RBFOX2: variants seen among roughly 807,000 people sequenced by gnomAD.
The protein encoded by RBFOX2 is RNA binding fox-1 homolog 2, also known as RNA binding protein fox-1 homolog 2.
A neutral mutation model predicts 49.1 loss-of-function variants in RBFOX2; 10 were observed. The ratio of observed to expected loss-of-function variants is 0.20; its 90% confidence interval spans 0.13 to 0.35. The LOEUF (loss-of-function observed/expected upper bound fraction) is 0.35, where lower values mean the gene tolerates loss of function less well. Among genes scored for constraint, RBFOX2 ranks in the 10% least tolerant of loss-of-function variants. The probability of loss-of-function intolerance (pLI) is 1.00; values close to 1 mark genes in which losing one functional copy is unlikely to be tolerated. For missense variants in RBFOX2, 323 were observed against 486.9 expected (o/e 0.66, Z 3.17); for synonymous variants, 183 against 187.4 (o/e 0.98, Z 0.19).
exon 1 of RBFOX2, chr22:35,840,260 C>G (rs1405596000): frequency 5.0e-6 from 8 of 1,614,002 alleles, no homozygotes; most frequent in Non-Finnish European, 5.9e-6. Flanking sequence ...AGCAGCCGTG[C>G]TGGGGCACAC....
chr22:35,759,919 C>T lies in RBFOX2; in HGVS notation c.856G>A (p.Val286Ile), dbSNP rs1938173188. 1.9e-6 allele frequency: 3 copies of T among 1,613,488 alleles called. No homozygotes were observed. The highest frequency in any genetic ancestry group is 2.5e-6 in the Non-Finnish European group (3 of 1,179,980). ...TAGGCGGGGATGGCTGTTGGAGGTA[C>T]CGCTCGGACTGCACCATATACTGTC... Residue 286 changes from valine (V) to isoleucine (I), a missense_variant, in exon 9 of 12, where the codon GTA (valine) becomes ATA (isoleucine). Around this residue, in one of 2 missense-constraint regions of RBFOX2, gnomAD observed 200 missense variants for 370.0 expected, o/e 0.54. Transcript: ENST00000405409. The surrounding 1 kb of genome is among the most constrained non-coding windows in gnomAD (Gnocchi z 4.6).
intron 1 of RBFOX2, among the ~76,000 whole-genome samples, chr22:35,952,413 G>A (rs1308065353): frequency 1.3e-5 from 2 of 152,144 alleles, no homozygotes; most frequent in Non-Finnish European, 2.9e-5. Context: ...AATACACCAA[G>A]TACTTTGTTA....
At chr22:35,904,837 G>A (rs1302504092) in intron 1 of RBFOX2, among the ~76,000 whole-genome samples, 1 of 152,148 alleles carries the variant, frequency 6.6e-6, no homozygotes, top group African/African-American at 2.4e-5. Flanking sequence ...GTGGTTATGT[G>A]AATTTAACTT....
At chr22:35,864,759 G>T (rs2043480642) in intron 1 of RBFOX2, among the ~76,000 whole-genome samples, 1 of 152,206 alleles carries the variant, frequency 6.6e-6, no homozygotes, top group Non-Finnish European at 1.5e-5. Context: ...CACAGCACCA[G>T]TTCAGGGCAA....
At chr22:35,802,955 A>C (rs938707437) in intron 2 of RBFOX2, among the ~76,000 whole-genome samples, 1 of 152,184 alleles carries the variant, frequency 6.6e-6, no homozygotes. Flanking sequence ...TGAAAGCTCA[A>C]TAAGCTTCAG....
At chr22:36,011,153 T>A (rs966708962) in intron 1 of RBFOX2, among the ~76,000 whole-genome samples, 41 of 152,270 alleles carry the variant, frequency 2.7e-4, no homozygotes, top group East Asian at 1.7e-3. Flanking sequence ...GTATAATTAC[T>A]AACTCAATGA....
intron 1 of RBFOX2, among the ~76,000 whole-genome samples, chr22:35,826,928 G>A (rs1394590393): frequency 6.6e-6 from 1 of 152,112 alleles, no homozygotes; most frequent in Non-Finnish European, 1.5e-5. Flanking sequence ...TCAGACTATG[G>A]TTGATCATGG....
intron 4 of RBFOX2, among the ~76,000 whole-genome samples, chr22:35,769,354 T>C (rs1012500533): frequency 6.6e-5 from 10 of 151,984 alleles, no homozygotes; most frequent in Non-Finnish European, 1.3e-4. Context: ...AAAAATGGAG[T>C]GGAGCTTTAA....
At chr22:35,979,719 A>G (rs2057366546) in intron 1 of RBFOX2, among the ~76,000 whole-genome samples, 1 of 152,182 alleles carries the variant, frequency 6.6e-6, no homozygotes, top group Non-Finnish European at 1.5e-5. Flanking sequence ...TAAAGAATCA[A>G]TGGAGAAAAA....
At chr22:35,818,557 G>A (rs1033598269) in intron 1 of RBFOX2, among the ~76,000 whole-genome samples, 17 of 152,188 alleles carry the variant, frequency 1.1e-4, no homozygotes, top group African/African-American at 4.1e-4. Context: ...GCCGGGGTGG[G>A]AGGACTGCTT....
intron 1 of RBFOX2, among the ~76,000 whole-genome samples, chr22:35,986,156 A>T (rs2057714486): frequency 6.6e-6 from 1 of 152,202 alleles, no homozygotes; most frequent in East Asian, 1.9e-4. Flanking sequence ...TATTATAGGC[A>T]ATCAGGTATG....
chr22:35,805,025 C>T (rs1253671866), intron 2 of RBFOX2, among the ~76,000 whole-genome samples: 4 of 152,040 alleles, frequency 2.6e-5, no homozygotes, highest in South Asian at 4.1e-4. Context: ...CGGTGGCTCA[C>T]GCCTGTAATC....
chr22:35,750,536 G>A, intron 9 of RBFOX2: 3 of 1,119,984 alleles, frequency 2.7e-6, no homozygotes, highest in Non-Finnish European at 4.0e-6. Flanking sequence ...GGCACACACG[G>A]ACGGCTTTTT....
intron 6 of RBFOX2, among the ~76,000 whole-genome samples, chr22:35,762,797 C>A (rs1418150253): frequency 1.3e-5 from 2 of 152,070 alleles, no homozygotes; most frequent in South Asian, 2.1e-4. Context: ...TGAGCCACTG[C>A]GTCCAGCCAC....
At chr22:36,028,558 G>A (rs1286168192) in exon 1 of RBFOX2, 11 of 845,824 alleles carry the variant, frequency 1.3e-5, no homozygotes, top group South Asian at 5.4e-5. Context: ...GTGCGTGCGC[G>A]CGAGCGGACT....
chr22:35,906,459 AT>A (rs2049139449), intron 1 of RBFOX2, among the ~76,000 whole-genome samples: 1 of 152,244 alleles, frequency 6.6e-6, no homozygotes, highest in South Asian at 2.1e-4. Context: ...AAGAAAAAAA[AT>A]CACACTTTTT....
At chr22:35,770,637 T>C (rs914121696) in intron 4 of RBFOX2, among the ~76,000 whole-genome samples, 2 of 152,194 alleles carry the variant, frequency 1.3e-5, no homozygotes. Context: ...AAAATCCTTC[T>C]ATCTTTTTTC....
chr22:35,913,358 A>G (rs1327423197), intron 1 of RBFOX2, among the ~76,000 whole-genome samples: 1 of 151,802 alleles, frequency 6.6e-6, no homozygotes, highest in Non-Finnish European at 1.5e-5. Flanking sequence ...AGAGAAACAG[A>G]AAGTGTTCTC....
At chr22:35,980,136 G>A (rs888426399) in intron 1 of RBFOX2, among the ~76,000 whole-genome samples, 1 of 152,020 alleles carries the variant, frequency 6.6e-6, no homozygotes, top group African/African-American at 2.4e-5. Flanking sequence ...TAACATTTGA[G>A]ATGTATAAAA....
Sources: allele counts gnomAD v4.1 joint callset (sites outside exome capture counted in the v4.1 genomes callset), GRCh38; gene constraint gnomAD v4.1.1; regional missense constraint gnomAD v4.1.1; non-coding constraint Gnocchi (gnomAD v3.1); transcripts MANE v1.5; gene names NCBI Gene and HGNC (gene_info 2026-07-23, HGNC 2026-07-21).